SLC9A9: variants seen among roughly 807,000 people sequenced by gnomAD.
SLC9A9 encodes sodium/hydrogen exchanger 9.
In SLC9A9, 62 loss-of-function variants were observed where a neutral mutation model predicts 77.8. The ratio of observed to expected loss-of-function variants is 0.80; its 90% CI spans 0.65 to 0.98. The LOEUF (loss-of-function observed/expected upper bound fraction) is 0.98, where lower values mean the gene tolerates loss of function less well. SLC9A9 is among the 50% of genes least tolerant of loss of function. The pLI is 0.00. For synonymous variants in SLC9A9, 320 were observed against 283.5 expected (o/e 1.13, Z -1.29); for missense variants, 775 against 774.9 (o/e 1.00, Z 0.00).
intron 14 of SLC9A9, among the ~76,000 whole-genome samples, chr3:143,361,196 T>C (rs1386517883): frequency 1.3e-5 from 2 of 152,256 alleles, no homozygotes; most frequent in Non-Finnish European, 2.9e-5. Flanking sequence ...CTGACTGATA[T>C]AGGTGTGTAT....
At chr3:143,703,087 G>C (rs1933851211) in intron 4 of SLC9A9, among the ~76,000 whole-genome samples, 1 of 151,928 alleles carries the variant, frequency 6.6e-6, no homozygotes, top group Admixed American at 6.6e-5. Context: ...AAATTTTCGA[G>C]CTAAAGAGTG....
rs111608725 is a variant in SLC9A9, at chr3:143,293,956, A to G, written c.1605-24976T>C. ...AAAAAAATAAATCTCATACACATCT[A>G]TAAAAACAAATAGAACAAATACAAT... On this transcript the variant is annotated intron_variant, in intron 14 of 15. Transcript: ENST00000316549. Among the ~76,000 whole-genome samples, 331 of 152,346 alleles carry G rather than the reference A, an allele frequency of 2.2e-3. 2 individuals are homozygous for G. Among genetic ancestry groups the G allele is most frequent in the African/African-American group, 7.3e-3 (303 of 41,584 alleles).
At chr3:143,282,262 C>T (rs73868710) in intron 14 of SLC9A9, among the ~76,000 whole-genome samples, 1 of 152,126 alleles carries the variant, frequency 6.6e-6, no homozygotes, top group South Asian at 2.1e-4. Context: ...ACATACCCCC[C>T]CAAACCCACA....
At chr3:143,724,995 G>A (rs2108805208) in intron 4 of SLC9A9, among the ~76,000 whole-genome samples, 1 of 152,262 alleles carries the variant, frequency 6.6e-6, no homozygotes, top group South Asian at 2.1e-4. Flanking sequence ...ACGTGGCTTG[G>A]TCTAAGCCTC....
At chr3:143,270,134 A>G (rs1937858286) in intron 14 of SLC9A9, among the ~76,000 whole-genome samples, 2 of 152,236 alleles carry the variant, frequency 1.3e-5, no homozygotes, top group South Asian at 4.1e-4. Flanking sequence ...TCCAATTGCA[A>G]ATAGAAAAGT....
At chr3:143,840,383 T>A (rs2108896756) in intron 1 of SLC9A9, among the ~76,000 whole-genome samples, 1 of 152,308 alleles carries the variant, frequency 6.6e-6, no homozygotes, top group Admixed American at 6.5e-5. Flanking sequence ...AAAAATTAAA[T>A]TCAGTTTAAC....
At chr3:143,684,435 C>A (rs7631319) in intron 5 of SLC9A9, among the ~76,000 whole-genome samples, 63,339 of 151,832 alleles carry the variant, frequency 0.42, 13,488 homozygotes, top group South Asian at 0.6. Flanking sequence ...GGTTGTCTCC[C>A]TTTACTCATT....
At chr3:143,497,440 A>G (rs2035854653) in intron 9 of SLC9A9, among the ~76,000 whole-genome samples, 1 of 152,190 alleles carries the variant, frequency 6.6e-6, no homozygotes, top group Non-Finnish European at 1.5e-5. Flanking sequence ...TGGCTCAGAA[A>G]TGAGTGTGAC....
chr3:143,608,989 G>A (rs993293260), intron 6 of SLC9A9, among the ~76,000 whole-genome samples: 8 of 152,032 alleles, frequency 5.3e-5, no homozygotes, highest in South Asian at 2.1e-4. Flanking sequence ...TTGAAATTAC[G>A]TAAACTCCTT....
At position 143,422,945 on chromosome 3, in the gene SLC9A9, T is replaced by C. The variant is rs766666517; in HGVS notation, c.1470-40831A>G. Among the ~76,000 whole-genome samples the C allele has an allele frequency of 4.9e-4, 75 of 152,280 alleles. 1 individual carries two copies. The highest frequency in any genetic ancestry group is 7.1e-4 in the Non-Finnish European group (48 of 68,008). On this transcript the variant is annotated intron_variant, in intron 12 of 15. Coordinates refer to ENST00000316549, the MANE Select transcript of SLC9A9 (RefSeq NM_173653.4). Reference sequence around the variant, plus strand: ...GTAGTTCAAGACTTGTTTAAGGTCATAGACATATTGGAGAGGAGATCCATG... The same window carrying C: ...GTAGTTCAAGACTTGTTTAAGGTCACAGACATATTGGAGAGGAGATCCATG...
intron 4 of SLC9A9, among the ~76,000 whole-genome samples, chr3:143,706,321 G>A (rs926467646): frequency 8.5e-5 from 13 of 152,176 alleles, no homozygotes; most frequent in Non-Finnish European, 1.2e-4. Flanking sequence ...AGCTCTACTT[G>A]TGGATTTGCC....
chr3:143,579,953 C>A (rs918892418), intron 6 of SLC9A9, among the ~76,000 whole-genome samples: 2 of 152,092 alleles, frequency 1.3e-5, no homozygotes, highest in Non-Finnish European at 2.9e-5. Flanking sequence ...GTCTTTAAAC[C>A]CCCAAAGTAG....
At chr3:143,482,086 A>G (rs1483546781) in intron 11 of SLC9A9, among the ~76,000 whole-genome samples, 1 of 152,230 alleles carries the variant, frequency 6.6e-6, no homozygotes, top group South Asian at 2.1e-4. Flanking sequence ...CTGTGCTTCT[A>G]TAGAACACTG....
chr3:143,627,709 G>C (rs1411792333), intron 6 of SLC9A9: 1 of 156,456 alleles, frequency 6.4e-6, no homozygotes, highest in Non-Finnish European at 1.4e-5. Context: ...GGTCCCATTG[G>C]CTGATCCCCA....
At chr3:143,827,975 C>A (rs761971548) in intron 2 of SLC9A9, among the ~76,000 whole-genome samples, 1 of 152,170 alleles carries the variant, frequency 6.6e-6, no homozygotes, top group South Asian at 2.1e-4. Context: ...CTGTGAAACG[C>A]TCTAGGTCTT....
intron 14 of SLC9A9, among the ~76,000 whole-genome samples, chr3:143,311,001 C>T (rs557031536): frequency 4.6e-5 from 7 of 152,262 alleles, no homozygotes; most frequent in Non-Finnish European, 1.0e-4. Context: ...GTCAAGTTAC[C>T]CAAGGTTGCA....
chr3:143,723,104 ACC>A (rs1322891492), intron 4 of SLC9A9, among the ~76,000 whole-genome samples: 1 of 152,144 alleles, frequency 6.6e-6, no homozygotes, highest in Non-Finnish European at 1.5e-5. Flanking sequence ...TAGTTCTGGT[ACC>A]CCTACAGATA....
chr3:143,750,868 G>T (rs2006687075), intron 4 of SLC9A9, among the ~76,000 whole-genome samples: 1 of 152,018 alleles, frequency 6.6e-6, no homozygotes, highest in Admixed American at 6.6e-5. Flanking sequence ...AAGAACATCT[G>T]CATTTTAATG....
At chr3:143,642,854 C>A (rs2038645721) in intron 6 of SLC9A9, among the ~76,000 whole-genome samples, 1 of 152,174 alleles carries the variant, frequency 6.6e-6, no homozygotes, top group South Asian at 2.1e-4. Context: ...AATATTTGCA[C>A]TTTTCATTTT....
Sources: allele counts gnomAD v4.1 joint callset (sites outside exome capture counted in the v4.1 genomes callset), GRCh38; gene constraint gnomAD v4.1.1; transcripts MANE v1.5; gene names NCBI Gene and HGNC (gene_info 2026-07-23, HGNC 2026-07-21).